Variants in NOTCH2NLC observed in about 807,000 individuals in gnomAD.
NOTCH2NLC encodes the protein notch homolog 2 N-terminal-like protein C.
Under a neutral mutation model 17.7 loss-of-function variants are expected in NOTCH2NLC, and 4 were observed. The observed-to-expected ratio is 0.23, with a 90% CI of 0.11 to 0.52. The LOEUF (loss-of-function observed/expected upper bound fraction) is 0.52. NOTCH2NLC is among the 20% of genes least tolerant of loss of function. NOTCH2NLC has a pLI of 0.96. For synonymous variants in NOTCH2NLC, 18 were observed against 86.0 expected (o/e 0.21, Z 4.38); for missense variants, 57 against 207.2 (o/e 0.28, Z 4.45).
At chr1:149,438,815 C>A (rs1274548372) in intron 2 of NOTCH2NLC, among the ~76,000 whole-genome samples, 1 of 123,782 alleles carries the variant, frequency 8.1e-6, no homozygotes, top group Non-Finnish European at 1.7e-5. Context: ...TGCAGTAGAG[C>A]AATCATGGAT....
chr1:149,449,016 G>A (rs1351140230), intron 2 of NOTCH2NLC, among the ~76,000 whole-genome samples: 1 of 147,298 alleles, frequency 6.8e-6, no homozygotes, highest in African/African-American at 2.5e-5. Context: ...CGAGTAGCTG[G>A]GACTACAGGC....
rs1184842539 is a variant in NOTCH2NLC, at chr1:149,466,277, G to GTATATATATATATATATATATATA, written c.*2139_*2140insATATATATATATATATATATATAT. ...GTGTGTGTGTGTGTGTGTGTGTGTGGTATATATATATATATCGCATTGTGC... is the reference window on the plus strand; with the variant it reads ...GTGTGTGTGTGTGTGTGTGTGTGTGGTATATATATATATATATATATATATATATATATATATATCGCATTGTGC... On this transcript the variant is annotated 3_prime_UTR_variant, in exon 5 of 5. Transcript: ENST00000650865. The GTATATATATATATATATATATATA allele has an allele frequency of 2.1e-5, 3 of 142,462 alleles. No individual in the cohort carries two copies. The highest frequency in any genetic ancestry group is 5.3e-5 in the African/African-American group (2 of 37,832). 8.8% of individuals were successfully genotyped at this position (142,462 alleles called of 1,614,324 possible).
chr1:149,407,038 G>A (rs2084274520), intron 1 of NOTCH2NLC, among the ~76,000 whole-genome samples: 2 of 148,866 alleles, frequency 1.3e-5, no homozygotes, highest in South Asian at 4.3e-4. Context: ...AAAATCTTTT[G>A]TGTGGTCATA....
rs1476064712 is a variant in NOTCH2NLC, at chr1:149,467,204, G to A, written c.*3051G>A. 1.6e-5 allele frequency: 1 copy of A among 62,384 alleles called. No homozygotes were observed. The highest frequency in any genetic ancestry group is 6.6e-5 in the African/African-American group (1 of 15,180). 3.9% of individuals were successfully genotyped at this position (62,384 alleles called of 1,614,324 possible). A position where few individuals can be genotyped will look rare whatever the true frequency, so the allele number is the denominator to read the frequency against. ...TCTCATTTTCTTCTTTGTATTGTGC[G>A]TCCTAGACTTAGTTTGGCCTCTCCT... On this transcript the variant is annotated 3_prime_UTR_variant, in exon 5 of 5. Coordinates refer to ENST00000650865, the MANE Select transcript of NOTCH2NLC (RefSeq NM_001364013.2).
At chr1:149,460,957 GTCTT>G (rs1173272097) in intron 3 of NOTCH2NLC, among the ~76,000 whole-genome samples, 110 of 104,878 alleles carry the variant, frequency 1.0e-3, no homozygotes, top group African/African-American at 3.4e-3. Context: ...CTCTCTTTCT[GTCTT>G]TCTTTCTTCT....
rs1553704625 is a variant in NOTCH2NLC, at chr1:149,419,881, T to TC, written c.136-11059dup. ...TTTTTTTTTTTTTTTTTTTTTTTTT[T>TC]CCTCAGGCAGAGTCTTGCTGTGTCG... On this transcript the variant is annotated intron_variant, in intron 1 of 4. Coordinates refer to ENST00000650865, the MANE Select transcript of NOTCH2NLC (RefSeq NM_001364013.2). Among the ~76,000 whole-genome samples, 129 of 118,312 alleles carry TC rather than the reference T, an allele frequency of 1.1e-3. 2 individuals are homozygous for TC. The highest frequency in any genetic ancestry group is 1.7e-3 in the Non-Finnish European group (93 of 55,846). 77.6% of individuals were successfully genotyped at this position (118,312 alleles called of 152,430 possible). A position where few individuals can be genotyped will look rare whatever the true frequency, so the allele number is the denominator to read the frequency against.
intron 1 of NOTCH2NLC, among the ~76,000 whole-genome samples, chr1:149,413,450 T>C (rs1570903823): frequency 6.6e-6 from 1 of 151,240 alleles, no homozygotes; most frequent in Non-Finnish European, 1.5e-5. Context: ...GATGTGACAT[T>C]TCTCATGTTC....
In NOTCH2NLC at chr1:149,471,773, G is replaced by A. The variant is rs1287590911; in HGVS notation, c.*7620G>A. The stretch of plus-strand genomic sequence containing the variant: ...TATGCTTAAAAATGGTGATTTTTGT[G>A]ATATATGAATTATACTATGGAACTA... On this transcript the variant is annotated 3_prime_UTR_variant, in exon 5 of 5. Coordinates refer to ENST00000650865, the MANE Select transcript of NOTCH2NLC (RefSeq NM_001364013.2). Among the ~76,000 whole-genome samples the A allele has an allele frequency of 7.0e-6, 1 of 141,926 alleles. No individual in the cohort carries two copies. Among genetic ancestry groups the A allele is most frequent in the African/African-American group, 2.6e-5 (1 of 38,472 alleles). 93.1% of individuals were successfully genotyped at this position (141,926 alleles called of 152,430 possible).
At chr1:149,437,207 G>C (rs2084487476) in intron 2 of NOTCH2NLC, among the ~76,000 whole-genome samples, 1 of 143,262 alleles carries the variant, frequency 7.0e-6, no homozygotes, top group African/African-American at 2.6e-5. Flanking sequence ...GGTGAGGCAA[G>C]TAAGGCACAG....
At chr1:149,436,732 G>C (rs2084484760) in intron 2 of NOTCH2NLC, among the ~76,000 whole-genome samples, 2 of 150,268 alleles carry the variant, frequency 1.3e-5, no homozygotes, top group Non-Finnish European at 3.0e-5. Flanking sequence ...GCTGAAACTG[G>C]TTCTGCCAGC....
intron 2 of NOTCH2NLC, among the ~76,000 whole-genome samples, chr1:149,438,665 T>A (rs1243474209): frequency 1.9e-5 from 1 of 52,546 alleles, no homozygotes; most frequent in African/African-American, 8.6e-5. Flanking sequence ...TCTGGACCCT[T>A]TAACAGTACC....
intron 1 of NOTCH2NLC, among the ~76,000 whole-genome samples, 163 bp from the exon 2 acceptor site, chr1:149,430,779 G>A (rs1297260441): frequency 1.4e-5 from 2 of 148,076 alleles, no homozygotes; most frequent in African/African-American, 5.0e-5. Flanking sequence ...GGGCTTCTGT[G>A]CTAGAAGCCA....
chr1:149,419,673 C>A (rs1288159950), intron 1 of NOTCH2NLC, among the ~76,000 whole-genome samples: 4 of 149,496 alleles, frequency 2.7e-5, no homozygotes. Flanking sequence ...TTAAGAGGAA[C>A]TGATTTGGAC....
intron 3 of NOTCH2NLC, among the ~76,000 whole-genome samples, chr1:149,461,709 A>G (rs2084651037): frequency 6.6e-6 from 1 of 151,334 alleles, no homozygotes; most frequent in African/African-American, 2.4e-5. Flanking sequence ...ACTATTCACA[A>G]TAGCAAAGAC....
At chr1:149,426,193 T>C (rs2084411237) in intron 1 of NOTCH2NLC, among the ~76,000 whole-genome samples, 3 of 89,472 alleles carry the variant, frequency 3.4e-5, no homozygotes, top group African/African-American at 1.3e-4. Context: ...GGGAGGCCTT[T>C]CCTAGACACT....
At chr1:149,413,301 T>C (rs1470390063) in intron 1 of NOTCH2NLC, among the ~76,000 whole-genome samples, 3 of 151,110 alleles carry the variant, frequency 2.0e-5, no homozygotes, top group African/African-American at 7.3e-5. Context: ...GGGAATTGAA[T>C]TTTATCTTTC....
chr1:149,394,052 GC>G (rs2084191981), intron 1 of NOTCH2NLC, among the ~76,000 whole-genome samples: 1 of 91,544 alleles, frequency 1.1e-5, no homozygotes, highest in African/African-American at 4.3e-5. Flanking sequence ...ATTCTATTTT[GC>G]CCACAAAATT....
At chr1:149,433,520 T>C (rs1340114340) in intron 2 of NOTCH2NLC, among the ~76,000 whole-genome samples, 1 of 149,856 alleles carries the variant, frequency 6.7e-6, no homozygotes, top group Non-Finnish European at 1.5e-5. Flanking sequence ...TTGGTTCTAT[T>C]TGAAGATCAT....
chr1:149,461,301 A>C lies in NOTCH2NLC; in HGVS notation c.470-2190A>C, dbSNP rs1179525829. 2.7e-3 allele frequency among the ~76,000 whole-genome samples: 406 copies of C among 149,090 alleles called. 19 individuals are homozygous for C. The highest frequency in any genetic ancestry group is 5.1e-3 in the Non-Finnish European group (340 of 66,870). On this transcript the variant is annotated intron_variant, in intron 3 of 4. Transcript: ENST00000650865. ...TCACACTTGCTAGAAGTGAGCATTT[A>C]TATCTCTTCTCCACTGTAAATAAGT...
Sources: allele counts gnomAD v4.1 joint callset (sites outside exome capture counted in the v4.1 genomes callset), GRCh38; gene constraint gnomAD v4.1.1; transcripts MANE v1.5; gene names NCBI Gene and HGNC (gene_info 2026-07-23, HGNC 2026-07-21).